Variants in MGLL observed in about 807,000 individuals in gnomAD.
The protein encoded by MGLL is monoglyceride lipase, also known as lysophospholipase homolog.
In MGLL, 7 loss-of-function variants were observed where a neutral mutation model predicts 29.1. The ratio of observed to expected loss-of-function variants is 0.24; its 90% CI spans 0.14 to 0.45. The LOEUF (loss-of-function observed/expected upper bound fraction) is 0.45, where lower values mean the gene tolerates loss of function less well. MGLL is among the 20% of genes least tolerant of loss of function. The pLI, the probability that MGLL is intolerant of heterozygous loss-of-function variation, is 0.99. For synonymous variants in MGLL, 148 were observed against 168.3 expected (o/e 0.88, Z 0.93); for missense variants, 356 against 413.6 (o/e 0.86, Z 1.21).
At chr3:127,743,907 A>G (rs2076392628) in intron 3 of MGLL, among the ~76,000 whole-genome samples, 1 of 152,172 alleles carries the variant, frequency 6.6e-6, no homozygotes, top group Non-Finnish European at 1.5e-5. Context: ...TCAGCACAAC[A>G]TGTTTTCGTC....
chr3:127,820,266 C>T (rs144534722), intron 2 of MGLL, among the ~76,000 whole-genome samples: 389 of 152,280 alleles, frequency 2.6e-3, no homozygotes, highest in African/African-American at 9.0e-3. Flanking sequence ...GCAAAAGCAA[C>T]GGAGCAGAGA....
intron 2 of MGLL, among the ~76,000 whole-genome samples, chr3:127,788,344 A>T (rs1009034102): frequency 1.3e-5 from 2 of 152,136 alleles, no homozygotes; most frequent in Non-Finnish European, 2.9e-5. Flanking sequence ...CTGATGAGAA[A>T]AGTGAGGTCC....
At chr3:127,719,237 C>G (rs1475318209) in intron 5 of MGLL, among the ~76,000 whole-genome samples, 2 of 152,234 alleles carry the variant, frequency 1.3e-5, no homozygotes, top group Admixed American at 6.5e-5. Flanking sequence ...GGTCCCACCT[C>G]CAGGCCCAGC....
intron 3 of MGLL, among the ~76,000 whole-genome samples, chr3:127,726,933 A>G (rs890858511): frequency 6.6e-6 from 1 of 152,242 alleles, no homozygotes; most frequent in African/African-American, 2.4e-5. Flanking sequence ...ATCATCTAAT[A>G]TACAATCCAA....
intron 6 of MGLL, among the ~76,000 whole-genome samples, chr3:127,698,694 G>A (rs929809218): frequency 3.9e-5 from 6 of 152,304 alleles, no homozygotes; most frequent in African/African-American, 1.2e-4. Context: ...TATCCTGGTT[G>A]TGATATTGTC....
At chr3:127,807,165 T>C (rs1319541526) in intron 2 of MGLL, among the ~76,000 whole-genome samples, 2 of 152,202 alleles carry the variant, frequency 1.3e-5, no homozygotes, top group Non-Finnish European at 2.9e-5. Flanking sequence ...TTGTTTTGCT[T>C]ACCAATTCAA....
intron 3 of MGLL, among the ~76,000 whole-genome samples, chr3:127,756,921 C>T (rs1392365597): frequency 6.6e-6 from 1 of 152,160 alleles, no homozygotes; most frequent in Admixed American, 6.5e-5. Flanking sequence ...CTAGGAAGAC[C>T]TCCTCCATCC....
chr3:127,816,285 G>C (rs1323904667), intron 2 of MGLL, among the ~76,000 whole-genome samples: 2 of 152,180 alleles, frequency 1.3e-5, no homozygotes, highest in Non-Finnish European at 2.9e-5. Flanking sequence ...CCTGCAGAAG[G>C]TTTCCTGGAA....
At chr3:127,705,822 A>T (rs1276210526) in intron 6 of MGLL, among the ~76,000 whole-genome samples, 1 of 152,078 alleles carries the variant, frequency 6.6e-6, no homozygotes, top group Non-Finnish European at 1.5e-5. Flanking sequence ...CAACATACAA[A>T]TATCCAAAAA....
chr3:127,696,102 G>A (rs915774631), intron 6 of MGLL, among the ~76,000 whole-genome samples: 2 of 152,220 alleles, frequency 1.3e-5, no homozygotes, highest in African/African-American at 4.8e-5. Flanking sequence ...GGGCTACACA[G>A]GGTGGTCAGA....
At position 127,797,932 on chromosome 3, in the gene MGLL, T is replaced by C. The variant is rs372891689; in HGVS notation, c.156-16037A>G. Among the ~76,000 whole-genome samples the C allele has an allele frequency of 5.3e-5, 8 of 152,296 alleles. No individual in the cohort carries two copies. In the East Asian group the frequency reaches 9.6e-4, roughly 18 times the overall value. ...CCCACCGTACCTGGCCCAAAATTCT[T>C]TATATAGCATATATTTCTCCAGTGT... On this transcript the variant is annotated intron_variant, in intron 2 of 7. Transcript: ENST00000265052.
rs192514046 is a variant in MGLL at position 127,785,361 on chromosome 3, G to A, written c.156-3466C>T. On this transcript the variant is annotated intron_variant, in intron 2 of 7. Coordinates refer to ENST00000265052, the MANE Select transcript of MGLL (RefSeq NM_007283.7). The stretch of plus-strand genomic sequence containing the variant: ...TGTGTGTCTGCATTTGTCTCTCTGG[G>A]TAAAGGGACAGACCCCAGCTCCAGG... 8.6e-3 allele frequency among the ~76,000 whole-genome samples: 1,305 copies of A among 152,374 alleles called. 7 individuals are homozygous for A. The highest frequency in any genetic ancestry group is 0.014 in the Admixed American group (211 of 15,312).
intron 2 of MGLL, among the ~76,000 whole-genome samples, chr3:127,791,602 C>G (rs751022757): frequency 1.3e-5 from 2 of 152,210 alleles, no homozygotes; most frequent in Non-Finnish European, 2.9e-5. Flanking sequence ...TCATCTCCAG[C>G]CTCCTCCCAA....
chr3:127,786,750 C>T (rs2077220628), intron 2 of MGLL, among the ~76,000 whole-genome samples: 1 of 152,258 alleles, frequency 6.6e-6, no homozygotes, highest in South Asian at 2.1e-4. Context: ...AATCCTAACA[C>T]CACCGACCTC....
chr3:127,765,170 T>C (rs1335087805), intron 3 of MGLL, among the ~76,000 whole-genome samples: 2 of 152,216 alleles, frequency 1.3e-5, no homozygotes, highest in Non-Finnish European at 2.9e-5. Context: ...AATTATTCAG[T>C]CTTTCTTTTT....
At chr3:127,822,033 GA>G in intron 1 of MGLL, 195 bp from the exon 2 acceptor site, 1 of 687,448 alleles carries the variant, frequency 1.5e-6, no homozygotes. Flanking sequence ...TTGTTCTTAA[GA>G]AAATGCTCAC....
chr3:127,817,027 G>A (rs1448936712), intron 2 of MGLL, among the ~76,000 whole-genome samples: 6 of 152,240 alleles, frequency 3.9e-5, no homozygotes, highest in South Asian at 2.1e-4. Context: ...AGCTCAGACC[G>A]GTGGAGCTGG....
chr3:127,709,032 C>A (rs2075658748), intron 6 of MGLL, among the ~76,000 whole-genome samples: 1 of 152,212 alleles, frequency 6.6e-6, no homozygotes, highest in Non-Finnish European at 1.5e-5. Context: ...CTCTCCAAGC[C>A]TCAGTTTCTT....
chr3:127,732,411 T>C (rs183494656), intron 3 of MGLL, among the ~76,000 whole-genome samples: 1 of 152,222 alleles, frequency 6.6e-6, no homozygotes, highest in East Asian at 1.9e-4. Flanking sequence ...GGGACTTGAG[T>C]ACAGGGTGTG....
Sources: gnomAD v4.1 joint callset for allele counts (sites outside exome capture counted in the v4.1 genomes callset) on GRCh38, gnomAD v4.1.1 for gene constraint, MANE v1.5 for transcripts, NCBI Gene and HGNC (gene_info 2026-07-23, HGNC 2026-07-21) for gene names.